Variants in ELK3 observed in about 807,000 individuals in gnomAD.
The protein encoded by ELK3 is ETS transcription factor ELK3.
ELK3 carries 10 observed loss-of-function variants against 28.9 expected under a neutral mutation model. That is an observed-to-expected ratio of 0.35 (90% CI 0.21 to 0.59). ELK3 has a LOEUF of 0.59. Ranked by LOEUF, ELK3 falls within the 20% of genes least tolerant of loss-of-function variation. The pLI is 0.82. For missense variants in ELK3, 463 were observed against 517.3 expected (o/e 0.90, Z 1.02); for synonymous variants, 272 against 243.5 (o/e 1.12, Z -1.09).
intron 2 of ELK3, among the ~76,000 whole-genome samples, chr12:96,243,134 A>G (rs1248164115): frequency 6.6e-6 from 1 of 152,196 alleles, no homozygotes; most frequent in African/African-American, 2.4e-5. Flanking sequence ...TAAGATTCTT[A>G]TATGTTCTTT....
At chr12:96,219,638 G>A (rs920471673) in intron 1 of ELK3, among the ~76,000 whole-genome samples, 5 of 152,148 alleles carry the variant, frequency 3.3e-5, no homozygotes, top group African/African-American at 7.2e-5. Flanking sequence ...AGACAACCAC[G>A]CATTTTCATC....
chr12:96,194,454 C>G lies in ELK3; in HGVS notation c.-254C>G, dbSNP rs921098793. The G allele has an allele frequency of 4.7e-5, 7 of 150,226 alleles. No individual in the cohort carries two copies. The highest frequency in any genetic ancestry group is 3.3e-4 in the Admixed American group (5 of 15,100). 9.3% of individuals were successfully genotyped at this position (150,226 alleles called of 1,614,324 possible). On this transcript the variant is annotated 5_prime_UTR_variant, in exon 1 of 5. Transcript: ENST00000228741. Reference sequence around the variant, plus strand: ...GGGCGGAAAAGCCTGTTTACACAGACTGCACACCGCCTGGGGAATAATGCA... The same window carrying G: ...GGGCGGAAAAGCCTGTTTACACAGAGTGCACACCGCCTGGGGAATAATGCA...
intron 1 of ELK3, among the ~76,000 whole-genome samples, chr12:96,195,356 A>G (rs980560047): frequency 1.3e-5 from 2 of 152,152 alleles, no homozygotes; most frequent in Non-Finnish European, 2.9e-5. Flanking sequence ...CCCATCGGAC[A>G]TTTAAAAGCC....
At chr12:96,197,950 C>G (rs1265763924) in intron 1 of ELK3, 1 of 152,112 alleles carries the variant, frequency 6.6e-6, no homozygotes, top group Non-Finnish European at 1.5e-5. Context: ...TTAAAATATT[C>G]CCTTCTTAGC....
At chr12:96,264,472 T>G (rs1198300592) in intron 4 of ELK3, among the ~76,000 whole-genome samples, 1 of 152,108 alleles carries the variant, frequency 6.6e-6, no homozygotes, top group Non-Finnish European at 1.5e-5. Flanking sequence ...ATTAACATAC[T>G]GGAAATGCTA....
chr12:96,245,375 G>A (rs1196875256), intron 2 of ELK3, among the ~76,000 whole-genome samples: 3 of 152,172 alleles, frequency 2.0e-5, no homozygotes, highest in African/African-American at 7.2e-5. Flanking sequence ...TTTAGAATCT[G>A]TCGATCTTGG....
intron 1 of ELK3, among the ~76,000 whole-genome samples, chr12:96,211,942 G>A (rs1194190212): frequency 1.3e-5 from 2 of 152,140 alleles, no homozygotes; most frequent in African/African-American, 4.8e-5. Context: ...AATGACTACT[G>A]TTTAGGAGAA....
At chr12:96,224,487 T>C (rs1355845205) in intron 2 of ELK3, among the ~76,000 whole-genome samples, 1 of 152,218 alleles carries the variant, frequency 6.6e-6, no homozygotes, top group Non-Finnish European at 1.5e-5. Context: ...GCTTGGTATG[T>C]GGTGCTTGCA....
chr12:96,195,053 C>T (rs1166127746), intron 1 of ELK3, among the ~76,000 whole-genome samples: 1 of 151,950 alleles, frequency 6.6e-6, no homozygotes, highest in Non-Finnish European at 1.5e-5. Flanking sequence ...TCGCCCAGGG[C>T]CCCGCTGCAG....
intron 1 of ELK3, among the ~76,000 whole-genome samples, chr12:96,201,904 A>G (rs1211030995): frequency 3.9e-5 from 6 of 152,108 alleles, no homozygotes; most frequent in African/African-American, 7.2e-5. Flanking sequence ...CTTTCCTCCT[A>G]GTCTTTTGAG....
At chr12:96,246,913 T>A in intron 2 of ELK3, 27 bp from the exon 3 acceptor site, 2 of 1,557,750 alleles carry the variant, frequency 1.3e-6, no homozygotes, top group Non-Finnish European at 1.7e-6. Flanking sequence ...GCACTCAGAT[T>A]TTCAACGTCT....
intron 1 of ELK3, among the ~76,000 whole-genome samples, chr12:96,209,173 A>C (rs1248925510): frequency 2.0e-5 from 3 of 152,262 alleles, no homozygotes; most frequent in African/African-American, 7.2e-5. Context: ...AACAGATTGC[A>C]GGATGCCATC....
chr12:96,229,091 T>C (rs1269794175), intron 2 of ELK3, among the ~76,000 whole-genome samples: 1 of 152,202 alleles, frequency 6.6e-6, no homozygotes, highest in Non-Finnish European at 1.5e-5. Flanking sequence ...GGGTCTGGCA[T>C]GTATTAGTTG....
At chr12:96,233,586 G>A (rs905457733) in intron 2 of ELK3, among the ~76,000 whole-genome samples, 1 of 152,188 alleles carries the variant, frequency 6.6e-6, no homozygotes, top group African/African-American at 2.4e-5. Flanking sequence ...TTTAAATTGG[G>A]CGTGCAATCA....
intron 2 of ELK3, among the ~76,000 whole-genome samples, chr12:96,228,374 C>T (rs1190146780): frequency 1.0e-4 from 14 of 135,342 alleles, no homozygotes; most frequent in Admixed American, 9.2e-4. Flanking sequence ...GCCGAGATTG[C>T]GCCACTGCAC....
At chr12:96,226,094 T>C (rs1481965325) in intron 2 of ELK3, among the ~76,000 whole-genome samples, 2 of 151,882 alleles carry the variant, frequency 1.3e-5, no homozygotes, top group East Asian at 1.9e-4. Context: ...ATTGCACCAC[T>C]GCACTCCAGC....
chr12:96,259,905 T>G, intron 4 of ELK3, 52 bp downstream of exon 4: 1 of 1,528,504 alleles, frequency 6.5e-7, no homozygotes, highest in Non-Finnish European at 8.8e-7. Flanking sequence ...GGGATGGTTT[T>G]TTCTCTAAAT....
At chr12:96,216,850 A>G (rs951695808) in intron 1 of ELK3, among the ~76,000 whole-genome samples, 2 of 152,242 alleles carry the variant, frequency 1.3e-5, no homozygotes, top group Non-Finnish European at 2.9e-5. Context: ...AAGTCCCACA[A>G]CCAGACAGGA....
intron 1 of ELK3, among the ~76,000 whole-genome samples, chr12:96,203,770 ATC>A (rs1288957729): frequency 6.6e-6 from 1 of 152,168 alleles, no homozygotes; most frequent in Non-Finnish European, 1.5e-5. Context: ...GTGAAACCCA[ATC>A]TCTACTAAAA....
Sources: allele counts gnomAD v4.1 joint callset (sites outside exome capture counted in the v4.1 genomes callset), GRCh38; gene constraint gnomAD v4.1.1; transcripts MANE v1.5; gene names NCBI Gene and HGNC (gene_info 2026-07-23, HGNC 2026-07-21).